The following KRT36 variants were observed in gnomAD, a reference collection of about 807,000 sequenced individuals.
The protein encoded by KRT36 is keratin 36.
In KRT36, 41 loss-of-function variants were observed where a neutral mutation model predicts 43.0. That is an observed-to-expected ratio of 0.95 (90% CI 0.74 to 1.24). The LOEUF (loss-of-function observed/expected upper bound fraction) is 1.24. Among genes scored for constraint, KRT36 ranks in the 50% most tolerant of loss-of-function variants. KRT36 has a pLI of 0.00. For missense variants in KRT36, 627 were observed against 595.3 expected (o/e 1.05, Z -0.55); for synonymous variants, 277 against 252.9 (o/e 1.10, Z -0.90).
Position 41,487,575 on chromosome 17 carries a change from C to A in KRT36, c.861+1G>T, listed in dbSNP as rs142381228. On this transcript the variant is annotated splice_donor_variant, in intron 4 of 6. Coordinates refer to ENST00000328119, the MANE Select transcript of KRT36 (RefSeq NM_003771.5). LOFTEE classifies it high-confidence loss of function. ...GTGGTCCCAGGGCACCCCAGCCCCA[C>A]CTGGGTGTTGAACCAGGCCTCCACA... 1.2e-6 allele frequency: 2 copies of A among 1,613,940 alleles called. No homozygotes were observed. The highest frequency in any genetic ancestry group is 1.7e-6 in the Non-Finnish European group (2 of 1,179,848).
intron 6 of KRT36, among the ~76,000 whole-genome samples, 166 bp from the exon 7 acceptor site, chr17:41,486,737 A>C (rs1904393163): frequency 6.6e-6 from 1 of 152,210 alleles, no homozygotes; most frequent in Non-Finnish European, 1.5e-5. Flanking sequence ...GAAGAGCAGA[A>C]ACTGCCAATC....
At chr17:41,487,233 A>T in intron 5 of KRT36, 63 bp from the exon 6 acceptor site, 1 of 1,580,454 alleles carries the variant, frequency 6.3e-7, no homozygotes, top group Non-Finnish European at 8.6e-7. Flanking sequence ...AGAAACCCAC[A>T]GCCCTGGGCA....
At chr17:41,488,819 G>T in intron 1 of KRT36, 95 bp from the exon 2 acceptor site, 1 of 1,024,582 alleles carries the variant, frequency 9.8e-7, no homozygotes, top group Non-Finnish European at 1.5e-6. Flanking sequence ...ATGCCACTGT[G>T]TACCACCAGC....
Position 41,489,300 on chromosome 17 carries a change from G to C in KRT36, c.459+106C>G. 3 of 1,262,874 alleles carry C rather than the reference G, an allele frequency of 2.4e-6. No homozygotes were observed. In the South Asian group the frequency reaches 4.4e-5, roughly 18 times the overall value. The allele number at this position is 1,262,874 out of a possible 1,614,324, so 78.2% of individuals were successfully genotyped here. On this transcript the variant is annotated intron_variant, in intron 1 of 6. Transcript: ENST00000328119. Reference sequence around the variant, plus strand: ...TAGAGAGAAAAGTTTGCCCTACCAGGAGAATTCCCTAAAAGCTACCGTCCC... The same window carrying C: ...TAGAGAGAAAAGTTTGCCCTACCAGCAGAATTCCCTAAAAGCTACCGTCCC...
chr17:41,489,653 TCAGAAGA>T lies in KRT36; in HGVS notation c.205_211del (p.Ser70AlafsTer29). 6.2e-7 allele frequency: 1 copy of T among 1,614,046 alleles called. No homozygotes were observed. The highest frequency in any genetic ancestry group is 8.5e-7 in the Non-Finnish European group (1 of 1,180,014). On this transcript the variant is annotated frameshift_variant, in exon 1 of 7. Coordinates refer to ENST00000328119, the MANE Select transcript of KRT36 (RefSeq NM_003771.5). LOFTEE classifies it high-confidence loss of function. ...CCCCACAAAGCCAGAGGTGTGGCAC[TCAGAAGA>T]CAGGTAGGAGCCAGGCAAGCAGCTC...
At position 41,487,060 on chromosome 17, in the gene KRT36, G is replaced by A; in HGVS notation, c.1098C>T (p.Arg366=). The A allele has an allele frequency of 1.9e-6, 3 of 1,614,222 alleles. No homozygotes were observed. Among genetic ancestry groups the A allele is most frequent in the Non-Finnish European group, 2.5e-6 (3 of 1,180,030 alleles). Residue 366 remains arginine (R), a synonymous_variant, in exon 6 of 7, where the codon CGC becomes CGT. Transcript: ENST00000328119. The part of the protein sequence containing the change: ...SNVEAQLSEI[R]CDLERQNQEY... ...CCTGGTTCTGCCGCTCCAGGTCGCA[G>A]CGGATCTCAGACAGCTGGGCCTCCA...
intron 3 of KRT36, 108 bp downstream of exon 3, chr17:41,488,135 A>AAT (rs1904456349): frequency 1.9e-6 from 2 of 1,033,418 alleles, no homozygotes; most frequent in Non-Finnish European, 2.9e-6. Context: ...AACGAGAATG[A>AAT]AATGCAAGGC....
chr17:41,487,774 A>G, intron 3 of KRT36, 37 bp from the exon 4 acceptor site: 1 of 1,575,112 alleles, frequency 6.3e-7, no homozygotes, highest in Non-Finnish European at 8.6e-7. Flanking sequence ...AGGTTGTGAA[A>G]AAGATGCTGG....
chr17:41,486,855 C>G lies in KRT36; in HGVS notation c.1208+95G>C, dbSNP rs542799000. ...AATCTCAAGGGGCTTTGGTTTAGTTCCCTTCATCTGGGCGACAACCACTTC... is the reference window on the plus strand; with the variant it reads ...AATCTCAAGGGGCTTTGGTTTAGTTGCCTTCATCTGGGCGACAACCACTTC... On this transcript the variant is annotated intron_variant, in intron 6 of 6. Coordinates refer to ENST00000328119, the MANE Select transcript of KRT36 (RefSeq NM_003771.5). The G allele has an allele frequency of 8.4e-5, 98 of 1,161,908 alleles. No homozygotes were observed. The African/African-American group carries it at 1.3e-3, about 16-fold the overall frequency. The allele number at this position is 1,161,908 out of a possible 1,614,324, so 72.0% of individuals were successfully genotyped here. A position where few individuals can be genotyped will look rare whatever the true frequency, so the allele number is the denominator to read the frequency against.
In KRT36 at chr17:41,489,440, G is replaced by C; in HGVS notation, c.425C>G (p.Ser142Cys). ...QIPYICPDYQ[S>C]YFKTIEDFQQ... ...GAAATCTTCGATGGTCTTGAAGTAG[G>C]ACTGGTAGTCTGGGCAGATGTATGG... Residue 142 changes from serine (S) to cysteine (C), a missense_variant, in exon 1 of 7, where the codon TCC becomes TGC. Coordinates refer to ENST00000328119, the MANE Select transcript of KRT36 (RefSeq NM_003771.5). 2 of 1,614,238 alleles carry C rather than the reference G, an allele frequency of 1.2e-6. No homozygotes were observed. The highest frequency in any genetic ancestry group is 2.2e-5 in the South Asian group (2 of 91,084).
chr17:41,488,570 ACCAGCT>A (rs1386205482), intron 2 of KRT36, 66 bp downstream of exon 2: 2 of 1,535,484 alleles, frequency 1.3e-6, no homozygotes, highest in Non-Finnish European at 1.8e-6. Context: ...TTCCCACATC[ACCAGCT>A]CCCAAAGGCA....
In KRT36 at chr17:41,489,803, G is replaced by A. The variant is rs200810410; in HGVS notation, c.62C>T (p.Thr21Ile). The change falls in exon 1 of 7, where the codon ACA becomes ATA. Residue 21 changes from threonine to isoleucine, a missense_variant. Physicochemically the swap from Thr to Ile is moderately conservative, Grantham distance 89. Coordinates refer to ENST00000328119, the MANE Select transcript of KRT36 (RefSeq NM_003771.5). Reference sequence around the variant, plus strand: ...GGACACCCGAGAGATGCCGCCTGCTGTGCCACAGAGGCCCTTGATAGACCC... The same window carrying A: ...GGACACCCGAGAGATGCCGCCTGCTATGCCACAGAGGCCCTTGATAGACCC... The part of the protein sequence containing the change: ...STGSIKGLCG[T>I]AGGISRVSSI... The A allele has an allele frequency of 2.6e-5, 42 of 1,613,650 alleles. No homozygotes were observed. The highest frequency in any genetic ancestry group is 3.6e-5 in the Non-Finnish European group (42 of 1,180,006).
Position 41,488,708 on chromosome 17 carries a change from G to C in KRT36, c.476C>G (p.Ser159Cys). The change falls in exon 2 of 7, where the codon TCT becomes TGT. Residue 159 changes from serine to cysteine, a missense_variant. Transcript: ENST00000328119. ...CTGCAGGACCAGCCTGGCATTCTCA[G>C]ACTTAGTCAGCAGGATCTGGGGAAC... is the stretch of plus-strand genomic sequence containing the variant. The part of the protein sequence containing the change: ...DFQQKILLTK[S>C]ENARLVLQID... 6.2e-7 allele frequency: 1 copy of C among 1,614,076 alleles called. No individual in the cohort carries two copies. The highest frequency in any genetic ancestry group is 8.5e-7 in the Non-Finnish European group (1 of 1,179,982).
chr17:41,486,508 C>T lies in KRT36; in HGVS notation c.1272G>A (p.Pro424=), dbSNP rs375389592. The change falls in exon 7 of 7, where the codon CCG becomes CCA. Residue 424 remains proline (P), a synonymous_variant. Transcript: ENST00000328119. ...KPVIRVPSVP[P]VPCVPSVPCT... is the part of the protein sequence containing the mutation. ...AGGGCACAGAGGGGACACAGGGCAC[C>T]GGGGGGACAGAAGGAACTCTAATAA... 49 of 1,610,220 alleles carry T rather than the reference C, an allele frequency of 3.0e-5. No homozygotes were observed. The highest frequency in any genetic ancestry group is 4.1e-5 in the Non-Finnish European group (48 of 1,178,510).
In KRT36 at chr17:41,486,576, G is replaced by A. The variant is rs1904389014; in HGVS notation, c.1209-5C>T. 6.4e-7 allele frequency: 1 copy of A among 1,551,884 alleles called. No homozygotes were observed. The highest frequency in any genetic ancestry group is 8.7e-7 in the Non-Finnish European group (1 of 1,150,406). ...GCACAAGGTTGGGGAGGAAGCCTGAGGAAACAAAATCATGCAGGGTGCATT... is the reference window on the plus strand; with the variant it reads ...GCACAAGGTTGGGGAGGAAGCCTGAAGAAACAAAATCATGCAGGGTGCATT... On this transcript the variant is annotated splice_region_variant and splice_polypyrimidine_tract_variant and intron_variant, in intron 6 of 6. Coordinates refer to ENST00000328119, the MANE Select transcript of KRT36 (RefSeq NM_003771.5).
intron 1 of KRT36, among the ~76,000 whole-genome samples, chr17:41,489,128 T>C (rs144793904): frequency 6.6e-6 from 1 of 152,252 alleles, no homozygotes; most frequent in East Asian, 1.9e-4. Flanking sequence ...AATAGGAAAG[T>C]GTCAGGCACA....
At chr17:41,487,295 G>C in intron 5 of KRT36, 56 bp downstream of exon 5, 3 of 1,584,920 alleles carry the variant, frequency 1.9e-6, no homozygotes, top group Non-Finnish European at 2.6e-6. Context: ...GCTGAGGCTG[G>C]TGCGTCGGGG....
At chr17:41,487,824 T>C (rs1386114967) in intron 3 of KRT36, 87 bp from the exon 4 acceptor site, 1 of 1,337,326 alleles carries the variant, frequency 7.5e-7, no homozygotes, top group Non-Finnish European at 1.0e-6. Context: ...CCCTCTTCCC[T>C]CAGTCACCAG....
chr17:41,489,315 G>C, intron 1 of KRT36, 91 bp downstream of exon 1: 1 of 1,379,234 alleles, frequency 7.3e-7, no homozygotes, highest in Non-Finnish European at 1.0e-6. Flanking sequence ...TTCCCTAAAA[G>C]CTACCGTCCC....
Sources: gnomAD v4.1 joint callset for allele counts (sites outside exome capture counted in the v4.1 genomes callset) on GRCh38, gnomAD v4.1.1 for gene constraint, MANE v1.5 for transcripts, NCBI Gene and HGNC (gene_info 2026-07-23, HGNC 2026-07-21) for gene names.